SEMA5A: variants seen among roughly 807,000 people sequenced by gnomAD.
The protein encoded by SEMA5A is semaphorin 5A.
SEMA5A carries 55 observed loss-of-function variants against 135.5 expected under a neutral mutation model. The observed-to-expected ratio is 0.41, with a 90% CI of 0.33 to 0.51. SEMA5A has a LOEUF of 0.51. Ranked by LOEUF, SEMA5A falls within the 20% of genes least tolerant of loss-of-function variation. SEMA5A has a pLI of 0.37. For missense variants in SEMA5A, 1,290 were observed against 1,419.9 expected (o/e 0.91, Z 1.47); for synonymous variants, 580 against 546.5 (o/e 1.06, Z -0.85).
chr5:9,114,415 T>C (rs1740401241), intron 15 of SEMA5A, among the ~76,000 whole-genome samples: 2 of 152,222 alleles, frequency 1.3e-5, no homozygotes, highest in African/African-American at 4.8e-5. Flanking sequence ...GTCAATAATG[T>C]CACTGAATTA....
At chr5:9,219,065 G>A (rs574656762) in intron 8 of SEMA5A, among the ~76,000 whole-genome samples, 2 of 152,312 alleles carry the variant, frequency 1.3e-5, no homozygotes, top group South Asian at 4.1e-4. Context: ...TGCAGATGAG[G>A]AAGCCAAGAA....
At chr5:9,118,911 C>G in intron 15 of SEMA5A, 87 bp downstream of exon 15, 2 of 1,517,038 alleles carry the variant, frequency 1.3e-6, no homozygotes, top group Non-Finnish European at 1.8e-6. Context: ...TTAGGCAGAT[C>G]CAAAACTAAA....
At chr5:9,245,414 T>A (rs1473894087) in intron 5 of SEMA5A, among the ~76,000 whole-genome samples, 2 of 152,178 alleles carry the variant, frequency 1.3e-5, no homozygotes, top group African/African-American at 4.8e-5. Context: ...ATGCTTTAAG[T>A]GCAAAATTAT....
chr5:9,230,653 G>A (rs887267047), intron 6 of SEMA5A, among the ~76,000 whole-genome samples: 1 of 152,194 alleles, frequency 6.6e-6, no homozygotes. Flanking sequence ...CAGGGATCCA[G>A]ATGATCAGGC....
intron 16 of SEMA5A, among the ~76,000 whole-genome samples, chr5:9,084,265 CT>C (rs745416938): frequency 6.6e-6 from 1 of 152,160 alleles, no homozygotes; most frequent in Non-Finnish European, 1.5e-5. Context: ...TGATGGTGGC[CT>C]TCCCAGAACA....
At chr5:9,231,572 A>T (rs1390830391) in intron 6 of SEMA5A, among the ~76,000 whole-genome samples, 1 of 151,918 alleles carries the variant, frequency 6.6e-6, no homozygotes, top group Non-Finnish European at 1.5e-5. Flanking sequence ...ATTCTCTTGC[A>T]GATCCACTGG....
intron 11 of SEMA5A, among the ~76,000 whole-genome samples, chr5:9,173,327 A>G (rs1046654899): frequency 1.4e-5 from 2 of 145,554 alleles, no homozygotes; most frequent in African/African-American, 5.1e-5. Context: ...TGGCTACATA[A>G]TTATAATTTC....
chr5:9,394,917 A>G (rs1756323163), intron 2 of SEMA5A, among the ~76,000 whole-genome samples: 1 of 152,206 alleles, frequency 6.6e-6, no homozygotes, highest in Non-Finnish European at 1.5e-5. Flanking sequence ...TTATTTATCT[A>G]TAGATTAAAA....
At chr5:9,301,305 A>C (rs1464683032) in intron 5 of SEMA5A, among the ~76,000 whole-genome samples, 4 of 152,244 alleles carry the variant, frequency 2.6e-5, no homozygotes. Context: ...ATTCATAAGC[A>C]TCAGGTGTCT....
chr5:9,279,354 G>A (rs960468050), intron 5 of SEMA5A, among the ~76,000 whole-genome samples: 9 of 152,310 alleles, frequency 5.9e-5, no homozygotes, highest in South Asian at 2.1e-4. Context: ...TACCCCTACT[G>A]TTTCTTGGAA....
chr5:9,481,244 C>A (rs1037591427), intron 1 of SEMA5A, among the ~76,000 whole-genome samples: 10 of 152,152 alleles, frequency 6.6e-5, no homozygotes, highest in African/African-American at 2.2e-4. Context: ...CCATGCCCGG[C>A]CCAAAACATA....
rs1269216163 is a variant in SEMA5A at position 9,063,109 on chromosome 5, C to T, written c.2300-4G>A. 6.2e-7 allele frequency: 1 copy of T among 1,608,572 alleles called. No homozygotes were observed. Among genetic ancestry groups the T allele is most frequent in the Non-Finnish European group, 8.5e-7 (1 of 1,177,142 alleles). On this transcript the variant is annotated splice_polypyrimidine_tract_variant and splice_region_variant and intron_variant, in intron 17 of 22. Coordinates refer to ENST00000382496, the MANE Select transcript of SEMA5A (RefSeq NM_003966.3). ...CGCAGGAAATCCCCAGAAAGCCCTG[C>T]CAAGGAAACAGGTGAAGTGTGATTC...
At chr5:9,254,277 T>C (rs1231721908) in intron 5 of SEMA5A, among the ~76,000 whole-genome samples, 5 of 152,098 alleles carry the variant, frequency 3.3e-5, no homozygotes, top group African/African-American at 9.7e-5. Flanking sequence ...GTAATTGTAA[T>C]ACAAGTTGAG....
chr5:9,173,829 A>T (rs983703541), intron 11 of SEMA5A, among the ~76,000 whole-genome samples: 1 of 152,182 alleles, frequency 6.6e-6, no homozygotes, highest in Non-Finnish European at 1.5e-5. Context: ...GTAAGACAGG[A>T]TCGTGTAGGA....
At chr5:9,190,236 A>C (rs1311618949) in intron 11 of SEMA5A, 31 bp downstream of exon 11, 2 of 1,602,660 alleles carry the variant, frequency 1.2e-6, no homozygotes, top group Admixed American at 3.3e-5. Context: ...AAGATGGTAG[A>C]AAACCCCTCA....
chr5:9,248,556 CAA>C (rs57718636), intron 5 of SEMA5A, among the ~76,000 whole-genome samples: 1 of 143,942 alleles, frequency 6.9e-6, no homozygotes, highest in Non-Finnish European at 1.5e-5. Flanking sequence ...ACTCATACGG[CAA>C]AAAAAAAAAA....
chr5:9,044,289 C>G, intron 22 of SEMA5A, 84 bp downstream of exon 22: 1 of 1,172,214 alleles, frequency 8.5e-7, no homozygotes, highest in Non-Finnish European at 1.3e-6. Context: ...AGGAAACCAC[C>G]ACAGCAGAGA....
chr5:9,213,956 A>G (rs2150393100), intron 8 of SEMA5A, among the ~76,000 whole-genome samples: 1 of 152,162 alleles, frequency 6.6e-6, no homozygotes, highest in Non-Finnish European at 1.5e-5. Context: ...CAAGAGACTG[A>G]CCAAGAGCTC....
At chr5:9,161,811 T>C (rs1743272335) in intron 11 of SEMA5A, among the ~76,000 whole-genome samples, 1 of 152,244 alleles carries the variant, frequency 6.6e-6, no homozygotes, top group South Asian at 2.1e-4. Flanking sequence ...GGTCCTTCTC[T>C]ATAAGTGTTT....
Sources: gnomAD v4.1 joint callset for allele counts (sites outside exome capture counted in the v4.1 genomes callset) on GRCh38, gnomAD v4.1.1 for gene constraint, MANE v1.5 for transcripts, NCBI Gene and HGNC (gene_info 2026-07-23, HGNC 2026-07-21) for gene names.